Variants in CSMD1 observed in about 807,000 individuals in gnomAD.
CSMD1 encodes CUB and sushi domain-containing protein 1.
Under a neutral mutation model 417.5 loss-of-function variants are expected in CSMD1, and 213 were observed. That is an observed-to-expected ratio of 0.51 (90% CI 0.46 to 0.57). The LOEUF (loss-of-function observed/expected upper bound fraction) is 0.57, where lower values mean the gene tolerates loss of function less well. Ranked by LOEUF, CSMD1 falls within the 20% of genes least tolerant of loss-of-function variation. The pLI is 0.00. For missense variants in CSMD1, 6,923 were observed against 4,529.7 expected (o/e 1.53, Z -15.17); for synonymous variants, 2,862 against 1,736.8 (o/e 1.65, Z -16.11).
At chr8:4,388,017 C>G (rs1803573090) in intron 3 of CSMD1, among the ~76,000 whole-genome samples, 1 of 152,120 alleles carries the variant, frequency 6.6e-6, no homozygotes, top group South Asian at 2.1e-4. Flanking sequence ...TCCATTTACA[C>G]CAAGCATCTA....
At chr8:3,261,831 G>C (rs1310335088) in intron 26 of CSMD1, among the ~76,000 whole-genome samples, 1 of 152,100 alleles carries the variant, frequency 6.6e-6, no homozygotes, top group Non-Finnish European at 1.5e-5. Context: ...ATGAATGGCT[G>C]CCAGGGATTA....
rs1386132155 is a variant in CSMD1 at position 4,671,990 on chromosome 8, T to C, written c.86-34432A>G. Reference sequence around the variant, plus strand: ...GGCAGTGTTTTGCTTTCTCAGAACATCCAGCATGGTTTGGGTGGCTTACTG... The same window carrying C: ...GGCAGTGTTTTGCTTTCTCAGAACACCCAGCATGGTTTGGGTGGCTTACTG... On this transcript the variant is annotated intron_variant, in intron 1 of 69. Transcript: ENST00000635120. 3.3e-5 allele frequency among the ~76,000 whole-genome samples: 5 copies of C among 152,292 alleles called. No homozygotes were observed. In the South Asian group the frequency reaches 8.3e-4, roughly 25 times the overall value.
chr8:3,515,614 G>C (rs1797251813), intron 10 of CSMD1, among the ~76,000 whole-genome samples: 1 of 152,190 alleles, frequency 6.6e-6, no homozygotes, highest in African/African-American at 2.4e-5. Context: ...TATTACTGTG[G>C]CACGTGTACT....
intron 10 of CSMD1, among the ~76,000 whole-genome samples, chr8:3,564,624 C>G (rs967687124): frequency 1.4e-5 from 2 of 140,416 alleles, no homozygotes; most frequent in Non-Finnish European, 3.1e-5. Context: ...CAAGAGGAGG[C>G]AGTAAAAATA....
At chr8:3,761,726 G>C (rs879013469) in intron 5 of CSMD1, among the ~76,000 whole-genome samples, 2 of 151,948 alleles carry the variant, frequency 1.3e-5, no homozygotes, top group Admixed American at 6.6e-5. Context: ...GGCTGGTCTC[G>C]AACTTCTGAT....
intron 1 of CSMD1, among the ~76,000 whole-genome samples, chr8:4,928,555 T>A (rs891056771): frequency 6.6e-6 from 1 of 152,176 alleles, no homozygotes; most frequent in South Asian, 2.1e-4. Context: ...ACAATTCTAA[T>A]TCCAGTCTTG....
At chr8:4,883,653 T>C (rs1039656443) in intron 1 of CSMD1, among the ~76,000 whole-genome samples, 9 of 152,124 alleles carry the variant, frequency 5.9e-5, no homozygotes, top group African/African-American at 1.9e-4. Flanking sequence ...CATGTATTAG[T>C]ACTTTATGCT....
intron 2 of CSMD1, among the ~76,000 whole-genome samples, chr8:4,540,004 G>C (rs1056907801): frequency 5.9e-5 from 9 of 152,114 alleles, no homozygotes; most frequent in Middle Eastern, 3.2e-3. Context: ...GCCGCTCACC[G>C]GGGCCCTCTT....
chr8:4,246,241 T>G, intron 3 of CSMD1, among the ~76,000 whole-genome samples: 1 of 152,270 alleles, frequency 6.6e-6, no homozygotes, highest in East Asian at 1.9e-4. Context: ...CTCTCATCAT[T>G]TAGATCTTAC....
intron 39 of CSMD1, among the ~76,000 whole-genome samples, chr8:3,153,530 G>C (rs950029320): frequency 1.3e-5 from 2 of 152,142 alleles, no homozygotes; most frequent in Non-Finnish European, 2.9e-5. Context: ...AATGAAAAAG[G>C]CCGAATCAAT....
chr8:4,902,237 C>T (rs1209249359), intron 1 of CSMD1, among the ~76,000 whole-genome samples: 2 of 151,646 alleles, frequency 1.3e-5, no homozygotes, highest in Non-Finnish European at 2.9e-5. Context: ...TAGCAAGACT[C>T]CATCCATTAA....
Position 3,670,912 on chromosome 8 carries a change from G to T in CSMD1, c.1009+37502C>A, listed in dbSNP as rs571485919. ...TATGTATGTGATATATATGTATATG[G>T]GATATATATGTATATGGGATATATA... On this transcript the variant is annotated intron_variant, in intron 7 of 69. Transcript: ENST00000635120. 3.3e-4 allele frequency among the ~76,000 whole-genome samples: 49 copies of T among 146,462 alleles called. 1 individual carries two copies. Among genetic ancestry groups the T allele is most frequent in the Non-Finnish European group, 5.1e-4 (34 of 66,606 alleles).
chr8:4,257,446 A>C (rs1276662482), intron 3 of CSMD1, among the ~76,000 whole-genome samples: 1 of 152,182 alleles, frequency 6.6e-6, no homozygotes, highest in Non-Finnish European at 1.5e-5. Context: ...AGGCTTATTA[A>C]GAATTCCTTC....
intron 10 of CSMD1, among the ~76,000 whole-genome samples, chr8:3,532,482 T>TA (rs1798023646): frequency 6.6e-6 from 1 of 152,168 alleles, no homozygotes; most frequent in African/African-American, 2.4e-5. Flanking sequence ...GCCTGGTTTT[T>TA]ACCTCTCCTC....
chr8:4,861,687 T>C (rs1802141934), intron 1 of CSMD1, among the ~76,000 whole-genome samples: 1 of 152,098 alleles, frequency 6.6e-6, no homozygotes, highest in Non-Finnish European at 1.5e-5. Context: ...AACACAGTGA[T>C]CTCAAAAAAT....
intron 1 of CSMD1, among the ~76,000 whole-genome samples, chr8:4,917,266 A>G (rs1806127150): frequency 6.6e-6 from 1 of 152,112 alleles, no homozygotes; most frequent in Non-Finnish European, 1.5e-5. Context: ...ATGGTTCTAA[A>G]CCATTAAAAA....
At chr8:3,551,096 T>A (rs535365239) in intron 10 of CSMD1, among the ~76,000 whole-genome samples, 1 of 152,294 alleles carries the variant, frequency 6.6e-6, no homozygotes, top group Admixed American at 6.5e-5. Context: ...AGGTAGCAGT[T>A]AAGAGAGTAG....
At chr8:4,469,675 G>A (rs1363098412) in intron 2 of CSMD1, among the ~76,000 whole-genome samples, 1 of 152,018 alleles carries the variant, frequency 6.6e-6, no homozygotes, top group Admixed American at 6.6e-5. Context: ...ACAGGCCCAG[G>A]GAACTCTTGT....
intron 1 of CSMD1, among the ~76,000 whole-genome samples, chr8:4,668,234 T>A (rs1217299537): frequency 6.6e-6 from 1 of 151,906 alleles, no homozygotes; most frequent in East Asian, 1.9e-4. Flanking sequence ...AATGGGGCAT[T>A]CCGTTGAAAA....
Sources: gnomAD v4.1 joint callset for allele counts (sites outside exome capture counted in the v4.1 genomes callset) on GRCh38, gnomAD v4.1.1 for gene constraint, MANE v1.5 for transcripts, NCBI Gene and HGNC (gene_info 2026-07-23, HGNC 2026-07-21) for gene names.